Variants in TCP11 observed in about 807,000 individuals in gnomAD.
TCP11 encodes the protein T-complex protein 11 homolog.
Under a neutral mutation model 45.0 loss-of-function variants are expected in TCP11, and 34 were observed. The ratio of observed to expected loss-of-function variants is 0.76; its 90% CI spans 0.57 to 1.01. The LOEUF is 1.01. Among genes scored for constraint, TCP11 ranks in the 50% least tolerant of loss-of-function variants. The pLI is 0.00. For synonymous variants in TCP11, 227 were observed against 227.0 expected (o/e 1.00, Z 0.00); for missense variants, 523 against 598.1 (o/e 0.87, Z 1.31).
At chr6:35,140,906 G>A in intron 1 of TCP11, 22 bp from the exon 2 acceptor site, 1 of 1,527,654 alleles carries the variant, frequency 6.5e-7, no homozygotes. Flanking sequence ...AGAAAGGCGT[G>A]TTGTTGGCGT....
intron 3 of TCP11, among the ~76,000 whole-genome samples, chr6:35,135,249 C>T (rs6913150): frequency 2.0e-3 from 297 of 152,170 alleles, no homozygotes; most frequent in African/African-American, 6.8e-3. Context: ...CTCTCACACA[C>T]ACTCTTGTTC....
At chr6:35,125,183 C>CAA (rs35594738) in intron 4 of TCP11, among the ~76,000 whole-genome samples, 10 of 71,004 alleles carry the variant, frequency 1.4e-4, no homozygotes, top group African/African-American at 4.5e-4. Context: ...GACTCTGTCT[C>CAA]AAAAAAAAAA....
rs1778956956 is a variant in TCP11, at chr6:35,119,210, C to T, written c.1279+18G>A. 2 of 1,612,912 alleles carry T rather than the reference C, an allele frequency of 1.2e-6. No individual in the cohort carries two copies. Among genetic ancestry groups the T allele is most frequent in the Non-Finnish European group, 1.7e-6 (2 of 1,179,342 alleles). On this transcript the variant is annotated intron_variant, in intron 9 of 9. Coordinates refer to ENST00000311875, the MANE Select transcript of TCP11 (RefSeq NM_001370687.1). ...ATCTCTTCCCTCACCATTCTTACTA[C>T]CCCACAAGCATACTCACCAATAACA...
chr6:35,130,906 G>A (rs1166645119), intron 3 of TCP11, among the ~76,000 whole-genome samples: 3 of 152,140 alleles, frequency 2.0e-5, no homozygotes, highest in Non-Finnish European at 2.9e-5. Flanking sequence ...ACGAAAACCT[G>A]CACACAAATG....
At chr6:35,133,621 C>T (rs188708226) in intron 3 of TCP11, among the ~76,000 whole-genome samples, 1 of 152,174 alleles carries the variant, frequency 6.6e-6, no homozygotes, top group Admixed American at 6.5e-5. Flanking sequence ...GAAACCCCAC[C>T]TCTGCTAAAA....
intron 4 of TCP11, 86 bp from the exon 5 acceptor site, chr6:35,122,423 C>G: frequency 1.7e-6 from 2 of 1,210,936 alleles, no homozygotes; most frequent in South Asian, 2.8e-5. Context: ...TAAAGACATA[C>G]CAGCCTATGT....
Position 35,122,290 on chromosome 6 carries a change from C to G in TCP11, c.405G>C (p.Glu135Asp). ...LLPRQNRLRI[E>D]IEEALDMDLL... ...AGTCCATGTCCAGAGCTTCTTCAAT[C>G]TCAATTCTCAGGCGGTTCTGGCGTG... The change falls in exon 5 of 10, where the codon GAG becomes GAC. Residue 135 changes from glutamate (E) to aspartate (D), a missense_variant. Glu to Asp is a conservative substitution (Grantham distance 45). Coordinates refer to ENST00000311875, the MANE Select transcript of TCP11 (RefSeq NM_001370687.1). 1 of 1,614,162 alleles carries G rather than the reference C, an allele frequency of 6.2e-7. No individual in the cohort carries two copies. Among genetic ancestry groups the G allele is most frequent in the Non-Finnish European group, 8.5e-7 (1 of 1,180,026 alleles).
At chr6:35,125,246 A>G (rs1170363006) in intron 4 of TCP11, among the ~76,000 whole-genome samples, 2 of 152,138 alleles carry the variant, frequency 1.3e-5, no homozygotes, top group Non-Finnish European at 2.9e-5. Context: ...CTAAAACTAC[A>G]AAACTCTTTG....
At chr6:35,119,083 T>A (rs548558884) in intron 9 of TCP11, 145 bp downstream of exon 9, 1 of 1,066,872 alleles carries the variant, frequency 9.4e-7, no homozygotes, top group Middle Eastern at 2.7e-4. Flanking sequence ...GAGACGGATA[T>A]GATTTCAACC....
chr6:35,140,630 GAA>G, intron 2 of TCP11, 115 bp downstream of exon 2: 1 of 711,000 alleles, frequency 1.4e-6, no homozygotes, highest in South Asian at 1.5e-5. Context: ...GAGAAACGGA[GAA>G]AGACAAACGA....
At chr6:35,128,918 C>T (rs1321997200) in intron 4 of TCP11, 144 bp downstream of exon 4, 3 of 1,074,312 alleles carry the variant, frequency 2.8e-6, no homozygotes, top group East Asian at 5.5e-5. Context: ...ACCCTCCCTG[C>T]TAAAATTACT....
At chr6:35,138,111 A>G (rs1781311684) in intron 2 of TCP11, among the ~76,000 whole-genome samples, 1 of 152,184 alleles carries the variant, frequency 6.6e-6, no homozygotes, top group African/African-American at 2.4e-5. Flanking sequence ...GATGTGGAGG[A>G]AAGGGAACCC....
At position 35,122,279 on chromosome 6, in the gene TCP11, G is replaced by A. The variant is rs754205823; in HGVS notation, c.416C>T (p.Ala139Val). Residue 139 changes from alanine (A) to valine (V), a missense_variant, in exon 5 of 10, where the codon GCT becomes GTT. By Grantham distance (64) the Ala-to-Val change is moderately conservative. Coordinates refer to ENST00000311875, the MANE Select transcript of TCP11 (RefSeq NM_001370687.1). ...QNRLRIEIEE[A>V]LDMDLLKQEA... ...CTGCTTGAGCAAGTCCATGTCCAGA[G>A]CTTCTTCAATCTCAATTCTCAGGCG... The A allele has an allele frequency of 6.2e-7, 1 of 1,614,140 alleles. No individual in the cohort carries two copies. Among genetic ancestry groups the A allele is most frequent in the Non-Finnish European group, 8.5e-7 (1 of 1,180,030 alleles).
chr6:35,137,623 AAGTTTTTAGTGCAGACCTATAG>A, intron 2 of TCP11: 1 of 238,922 alleles, frequency 4.2e-6, no homozygotes, highest in East Asian at 1.3e-4. Context: ...CCACTGTTCT[AAGTTTTTAGTGCAGACCTATAG>A]TACAGCTGAT....
intron 9 of TCP11, among the ~76,000 whole-genome samples, chr6:35,118,996 C>T (rs16871749): frequency 0.18 from 27,379 of 152,142 alleles, 3,078 homozygotes; most frequent in African/African-American, 0.29. Flanking sequence ...ACCAGGTCGG[C>T]TGGACATATC....
intron 3 of TCP11, among the ~76,000 whole-genome samples, chr6:35,134,453 G>A (rs1350554971): frequency 1.3e-5 from 2 of 151,646 alleles, no homozygotes; most frequent in African/African-American, 2.4e-5. Flanking sequence ...GCTAATTTTT[G>A]TATTCTCAGT....
chr6:35,121,790 A>G (rs949803856), intron 5 of TCP11, among the ~76,000 whole-genome samples: 1 of 151,424 alleles, frequency 6.6e-6, no homozygotes, highest in African/African-American at 2.4e-5. Flanking sequence ...CTGGGCAACA[A>G]GAGTGAAACT....
rs1184367513 is a variant in TCP11 at position 35,140,630 on chromosome 6, G to A, written c.124+117C>T. ...TAAAGGCGGGTGGGGGAGAAACGGA[G>A]AAAGACAAACGAGAGAGGGATAGTG... On this transcript the variant is annotated intron_variant, in intron 2 of 9. Coordinates refer to ENST00000311875, the MANE Select transcript of TCP11 (RefSeq NM_001370687.1). 4.2e-6 allele frequency: 3 copies of A among 710,882 alleles called. No homozygotes were observed. The African/African-American group carries it at 5.2e-5, about 12-fold the overall frequency. The allele number at this position is 710,882 out of a possible 1,614,324, so 44.0% of individuals were successfully genotyped here. A position where few individuals can be genotyped will look rare whatever the true frequency, so the allele number is the denominator to read the frequency against.
intron 2 of TCP11, chr6:35,140,515 A>T: frequency 3.1e-6 from 2 of 647,428 alleles, no homozygotes; most frequent in Non-Finnish European, 5.7e-6. Flanking sequence ...CTCAGTCTCA[A>T]ATCTTGTCAG....
Sources: gnomAD v4.1 joint callset for allele counts (sites outside exome capture counted in the v4.1 genomes callset) on GRCh38, gnomAD v4.1.1 for gene constraint, MANE v1.5 for transcripts, NCBI Gene and HGNC (gene_info 2026-07-23, HGNC 2026-07-21) for gene names.